Variants in FBXW11 observed in about 807,000 individuals in gnomAD.
FBXW11 encodes the protein F-box and WD repeat domain containing 11, also known as F-box/WD repeat-containing protein 11.
Under a neutral mutation model 77.6 loss-of-function variants are expected in FBXW11, and 19 were observed. The ratio of observed to expected loss-of-function variants is 0.24; its 90% CI spans 0.17 to 0.36. The LOEUF (loss-of-function observed/expected upper bound fraction) is 0.36. Among genes scored for constraint, FBXW11 ranks in the 10% least tolerant of loss-of-function variants. The pLI is 1.00. For synonymous variants in FBXW11, 235 were observed against 249.4 expected (o/e 0.94, Z 0.54); for missense variants, 334 against 704.2 (o/e 0.47, Z 5.95).
chr5:171,994,266 C>T (rs971096773), intron 1 of FBXW11, among the ~76,000 whole-genome samples: 2 of 152,138 alleles, frequency 1.3e-5, no homozygotes, highest in Non-Finnish European at 2.9e-5. Flanking sequence ...ACCTTTGTCC[C>T]TTACAAGATG....
At chr5:171,886,538 G>A (rs938458293) in intron 7 of FBXW11, among the ~76,000 whole-genome samples, 5 of 151,590 alleles carry the variant, frequency 3.3e-5, no homozygotes, top group African/African-American at 4.9e-5. Flanking sequence ...AAACCTGCAC[G>A]TTGTGCACAT....
intron 2 of FBXW11, among the ~76,000 whole-genome samples, chr5:171,937,469 T>C (rs574339295): frequency 2.6e-5 from 4 of 152,280 alleles, no homozygotes; most frequent in South Asian, 2.1e-4. Flanking sequence ...TCTTCTGTTA[T>C]AGGATGAAAG....
intron 7 of FBXW11, among the ~76,000 whole-genome samples, chr5:171,880,224 C>T (rs545047351): frequency 2.0e-5 from 3 of 152,316 alleles, no homozygotes; most frequent in Middle Eastern, 3.4e-3. Context: ...ATTGTCTTTG[C>T]TCCTTTGTAA....
At chr5:171,884,091 CTTGG>C (rs1233679956) in intron 7 of FBXW11, among the ~76,000 whole-genome samples, 12 of 152,110 alleles carry the variant, frequency 7.9e-5, no homozygotes, top group Admixed American at 7.2e-4. Context: ...GCTTTTGGTT[CTTGG>C]TTATGAAATC....
intron 1 of FBXW11, among the ~76,000 whole-genome samples, chr5:172,005,616 A>C (rs1446894364): frequency 6.6e-6 from 1 of 151,452 alleles, no homozygotes; most frequent in Admixed American, 6.6e-5. Flanking sequence ...CTAACAGAAG[A>C]GTGGTCGCTT....
rs553760333 is a variant in FBXW11 at position 171,986,112 on chromosome 5, A to G, written c.45+20346T>C. 3.9e-5 allele frequency among the ~76,000 whole-genome samples: 6 copies of G among 152,330 alleles called. No individual in the cohort carries two copies. The South Asian group carries it at 1.2e-3, about 32-fold the overall frequency. Reference sequence around the variant, plus strand: ...TTAGTGTTTTCATATGAAATGTCCCAATTTTTAAAATCTGGCCAGGAGCGG... The same window carrying G: ...TTAGTGTTTTCATATGAAATGTCCCGATTTTTAAAATCTGGCCAGGAGCGG... On this transcript the variant is annotated intron_variant, in intron 1 of 13. Transcript: ENST00000517395.
intron 4 of FBXW11, among the ~76,000 whole-genome samples, chr5:171,910,046 G>C (rs1195283447): frequency 6.8e-6 from 1 of 147,086 alleles, no homozygotes; most frequent in South Asian, 2.1e-4. Flanking sequence ...CAACAGTTAT[G>C]ACCAATAATG....
intron 2 of FBXW11, among the ~76,000 whole-genome samples, chr5:171,948,748 A>G (rs1292435708): frequency 6.6e-6 from 1 of 152,240 alleles, no homozygotes; most frequent in African/African-American, 2.4e-5. Context: ...AATTAAAAAG[A>G]CGTTTTTTAA....
At chr5:171,878,591 TAAGA>T (rs1400874876) in intron 7 of FBXW11, among the ~76,000 whole-genome samples, 3 of 95,478 alleles carry the variant, frequency 3.1e-5, no homozygotes, top group Admixed American at 2.0e-4. Flanking sequence ...TGTGTGTGTG[TAAGA>T]GAGAGAGAGT....
Position 171,868,673 on chromosome 5 carries a change from G to A in FBXW11, c.1654C>T (p.Arg552Cys), listed in dbSNP as rs778774761. ...TAAGTGTATGTTCTGGAGGGAGAAC[G>A]GGTCTCATTCTGGGCACTGGGAGGC... ...NVPPSAQNETRSPSRTYTYIS... is the reference protein window; with the variant it reads ...NVPPSAQNETCSPSRTYTYIS... Residue 552 changes from arginine to cysteine, a missense_variant, in exon 13 of 14, where the codon CGT (arginine) becomes TGT (cysteine). Physicochemically the swap from Arg to Cys is radical, Grantham distance 180. Coordinates refer to ENST00000517395, the MANE Select transcript of FBXW11 (RefSeq NM_001378974.1). 4 of 1,613,746 alleles carry A rather than the reference G, an allele frequency of 2.5e-6. No homozygotes were observed. The highest frequency in any genetic ancestry group is 1.3e-5 in the African/African-American group (1 of 75,000).
intron 2 of FBXW11, among the ~76,000 whole-genome samples, chr5:171,956,584 T>C (rs1763625027): frequency 6.6e-6 from 1 of 152,204 alleles, no homozygotes; most frequent in Admixed American, 6.5e-5. Context: ...ATTTTCCTCC[T>C]TCCTGGCTCC....
At chr5:171,949,916 C>T (rs1581243635) in intron 2 of FBXW11, among the ~76,000 whole-genome samples, 2 of 152,066 alleles carry the variant, frequency 1.3e-5, no homozygotes, top group East Asian at 3.8e-4. Context: ...CTCAAAAGTA[C>T]AAGTTAGCAA....
intron 2 of FBXW11, among the ~76,000 whole-genome samples, chr5:171,947,815 G>A (rs1032051601): frequency 1.3e-5 from 2 of 152,086 alleles, no homozygotes; most frequent in African/African-American, 4.8e-5. Flanking sequence ...TACTTGGGAG[G>A]CTGAGGTGAA....
chr5:171,877,139 C>T (rs1758139066), intron 8 of FBXW11, among the ~76,000 whole-genome samples: 1 of 152,322 alleles, frequency 6.6e-6, no homozygotes, highest in Non-Finnish European at 1.5e-5. Flanking sequence ...GAAAAGGTGG[C>T]TAATTCTGGC....
chr5:171,979,629 A>G (rs1228087006), intron 1 of FBXW11, among the ~76,000 whole-genome samples: 1 of 152,180 alleles, frequency 6.6e-6, no homozygotes, highest in Admixed American at 6.6e-5. Flanking sequence ...ACATGGGGGA[A>G]AAACGAACTT....
rs1010361663 is a variant in FBXW11 at position 171,978,073 on chromosome 5, T to A, written c.46-20375A>T. On this transcript the variant is annotated intron_variant, in intron 1 of 13. Transcript: ENST00000517395. ...CTCAACTCTAAAGGACAAGCAGAGG[T>A]TAACTAGACAAGGAAGAAAGGGTGA... Among the ~76,000 whole-genome samples the A allele has an allele frequency of 4.6e-5, 7 of 151,560 alleles. No individual in the cohort carries two copies. In the East Asian group the frequency reaches 1.4e-3, roughly 29 times the overall value.
At chr5:171,988,677 T>A (rs748672471) in intron 1 of FBXW11, among the ~76,000 whole-genome samples, 1 of 151,654 alleles carries the variant, frequency 6.6e-6, no homozygotes, top group Non-Finnish European at 1.5e-5. Context: ...AAATCCTGTC[T>A]CTAATAAAAA....
chr5:171,877,270 G>A (rs1193806725), intron 8 of FBXW11, among the ~76,000 whole-genome samples: 1 of 152,132 alleles, frequency 6.6e-6, no homozygotes, highest in East Asian at 1.9e-4. Flanking sequence ...TGAGATGACA[G>A]GAAGAAGGAG....
intron 1 of FBXW11, among the ~76,000 whole-genome samples, chr5:171,988,649 A>T (rs935335316): frequency 6.6e-6 from 1 of 151,990 alleles, no homozygotes; most frequent in African/African-American, 2.4e-5. Flanking sequence ...GTTTGAGACC[A>T]GTCTGGCCAA....
Sources: allele counts gnomAD v4.1 joint callset (sites outside exome capture counted in the v4.1 genomes callset), GRCh38; gene constraint gnomAD v4.1.1; transcripts MANE v1.5; gene names NCBI Gene and HGNC (gene_info 2026-07-23, HGNC 2026-07-21).